The following DHRSX variants were observed in gnomAD, a reference collection of about 807,000 sequenced individuals.
DHRSX encodes polyprenol dehydrogenase.
DHRSX carries 31 observed loss-of-function variants against 34.0 expected under a neutral mutation model. The observed-to-expected ratio is 0.91, with a 90% CI of 0.69 to 1.23. DHRSX has a LOEUF of 1.23. DHRSX is among the 50% of genes most tolerant of loss of function. DHRSX has a pLI of 0.00. For missense variants in DHRSX, 414 were observed against 428.1 expected, an observed-to-expected ratio of 0.97 and a Z score of 0.29; for synonymous variants, 201 against 183.8, an observed-to-expected ratio of 1.09 and a Z score of -0.76.
At chrX:2,284,249 AATTC>A (rs2041775692) in intron 4 of DHRSX, among the ~76,000 whole-genome samples, 2 of 152,196 alleles carry the variant, frequency 1.3e-5, no homozygotes, top group African/African-American at 4.8e-5. Flanking sequence ...CATTCATTAG[AATTC>A]ATTCATTCCT....
At chrX:2,455,041 G>C (rs188804007) in intron 1 of DHRSX, among the ~76,000 whole-genome samples, 3 of 151,536 alleles carry the variant, frequency 2.0e-5, no homozygotes, top group East Asian at 1.9e-4. Context: ...GAACCCGGGA[G>C]CCAGAGGTTG....
At chrX:2,295,974 C>T (rs1404815133) in intron 3 of DHRSX, among the ~76,000 whole-genome samples, 2 of 152,128 alleles carry the variant, frequency 1.3e-5, no homozygotes. Flanking sequence ...GGGGTTCTCG[C>T]CGAGAGATGC....
chrX:2,445,603 C>T (rs2044120744), intron 1 of DHRSX, among the ~76,000 whole-genome samples: 2 of 152,046 alleles, frequency 1.3e-5, no homozygotes, highest in Non-Finnish European at 2.9e-5. Flanking sequence ...GGGACCGCTG[C>T]CCTGTACACA....
chrX:2,288,857 G>T (rs767209658), intron 4 of DHRSX, among the ~76,000 whole-genome samples: 15 of 152,104 alleles, frequency 9.9e-5, no homozygotes, highest in Non-Finnish European at 2.2e-4. Flanking sequence ...GAATATTTTT[G>T]TTTGTTTCTG....
chrX:2,227,301 G>C (rs1204835651), intron 6 of DHRSX, among the ~76,000 whole-genome samples: 1 of 150,998 alleles, frequency 6.6e-6, no homozygotes, highest in Admixed American at 6.6e-5. Context: ...GAAGGAGAAA[G>C]ACAGAGAAAC....
chrX:2,262,593 C>G (rs1398201137), intron 5 of DHRSX, among the ~76,000 whole-genome samples: 1 of 152,236 alleles, frequency 6.6e-6, no homozygotes, highest in Non-Finnish European at 1.5e-5. Context: ...GCTGTACACA[C>G]AGGCACGCAC....
At chrX:2,464,471 GACGC>G in intron 1 of DHRSX, among the ~76,000 whole-genome samples, 1 of 89,728 alleles carries the variant, frequency 1.1e-5, no homozygotes, top group African/African-American at 5.0e-5. Flanking sequence ...TCGCACTGAA[GACGC>G]TCCCTAAGAA....
intron 6 of DHRSX, among the ~76,000 whole-genome samples, chrX:2,225,045 G>T (rs1159811841): frequency 2.2e-5 from 3 of 137,654 alleles, no homozygotes; most frequent in African/African-American, 8.5e-5. Flanking sequence ...ATTCACACAT[G>T]CATTCACATT....
In DHRSX at chrX:2,266,956, A is replaced by G; in HGVS notation, c.389-9T>C. The G allele has an allele frequency of 1.2e-6, 2 of 1,613,770 alleles. No individual in the cohort carries two copies. Among genetic ancestry groups the G allele is most frequent in the East Asian group, 2.2e-5 (1 of 44,880 alleles). On this transcript the variant is annotated splice_polypyrimidine_tract_variant and intron_variant, in intron 4 of 6. Coordinates refer to ENST00000334651, the MANE Select transcript of DHRSX (RefSeq NM_145177.3). ...GACCATCATCACCCCAGCTGGACAA[A>G]AGAGAATATCAGAAGGAGTTAGACT... is the stretch of plus-strand genomic sequence containing the variant.
intron 3 of DHRSX, among the ~76,000 whole-genome samples, chrX:2,365,430 G>A (rs780424018): frequency 1.5e-3 from 227 of 152,204 alleles, no homozygotes; most frequent in Middle Eastern, 0.01. Flanking sequence ...GTGAGCCACC[G>A]TGCCTGGCCA....
chrX:2,478,258 C>T (rs1466859729), intron 1 of DHRSX, among the ~76,000 whole-genome samples: 1 of 152,182 alleles, frequency 6.6e-6, no homozygotes, highest in Non-Finnish European at 1.5e-5. Context: ...CTGCGTCTCT[C>T]ACTGTGCCTG....
At chrX:2,470,922 TTAA>T (rs71963827) in intron 1 of DHRSX, among the ~76,000 whole-genome samples, 22,018 of 152,018 alleles carry the variant, frequency 0.14, 1,910 homozygotes, top group Middle Eastern at 0.25. Flanking sequence ...AGCTTGATTG[TTAA>T]TATGTTAATT....
intron 6 of DHRSX, among the ~76,000 whole-genome samples, chrX:2,237,668 C>A (rs1279664420): frequency 2.0e-5 from 3 of 151,958 alleles, no homozygotes; most frequent in Non-Finnish European, 4.4e-5. Context: ...CCACGCCTGG[C>A]TAATTTCTGT....
chrX:2,456,608 C>CA (rs977011090), intron 1 of DHRSX, among the ~76,000 whole-genome samples: 1 of 104,268 alleles, frequency 9.6e-6, no homozygotes, highest in African/African-American at 3.9e-5. Context: ...AGCAAGACTC[C>CA]TCTTCAAAAA....
At chrX:2,481,501 AC>A (rs1475651609) in intron 1 of DHRSX, among the ~76,000 whole-genome samples, 1 of 151,964 alleles carries the variant, frequency 6.6e-6, no homozygotes, top group Admixed American at 6.6e-5. Context: ...CCCCGTCTCT[AC>A]GAAAAATATA....
At chrX:2,370,590 G>GAAAAAAAAAAAAAAAAAAAAAA (rs59435030) in intron 3 of DHRSX, among the ~76,000 whole-genome samples, 1 of 132,680 alleles carries the variant, frequency 7.5e-6, no homozygotes, top group Middle Eastern at 3.8e-3. Context: ...TGGTTTTACT[G>GAAAAAAAAAAAAAAAAAAAAAA]AAAAAAAAAA....
At chrX:2,494,527 G>C (rs1434526972) in intron 1 of DHRSX, among the ~76,000 whole-genome samples, 1 of 151,692 alleles carries the variant, frequency 6.6e-6, no homozygotes, top group African/African-American at 2.4e-5. Flanking sequence ...TTATTATTAG[G>C]CTGAAAGAAG....
intron 1 of DHRSX, among the ~76,000 whole-genome samples, chrX:2,440,210 C>G (rs1176110862): frequency 3.3e-5 from 5 of 151,648 alleles, no homozygotes; most frequent in Admixed American, 6.6e-5. Flanking sequence ...TTTTCTTTTT[C>G]TTTTTTTTGA....
chrX:2,262,516 C>T (rs1360022422), intron 5 of DHRSX, among the ~76,000 whole-genome samples: 1 of 152,148 alleles, frequency 6.6e-6, no homozygotes, highest in Non-Finnish European at 1.5e-5. Flanking sequence ...TGCATATGGG[C>T]ACGCATGCAC....
Sources: gnomAD v4.1 joint callset for allele counts (sites outside exome capture counted in the v4.1 genomes callset) on GRCh38, gnomAD v4.1.1 for gene constraint, MANE v1.5 for transcripts, NCBI Gene and HGNC (gene_info 2026-07-23, HGNC 2026-07-21) for gene names.